The following CMTM4 variants were observed in gnomAD, a reference collection of about 807,000 sequenced individuals.
The protein encoded by CMTM4 is CKLF-like MARVEL transmembrane domain-containing protein 4.
CMTM4 carries 8 observed loss-of-function variants against 19.0 expected under a neutral mutation model. That is an observed-to-expected ratio of 0.42 (90% CI 0.25 to 0.76). The LOEUF (loss-of-function observed/expected upper bound fraction) is 0.76, where lower values mean the gene tolerates loss of function less well. Ranked by LOEUF, CMTM4 falls within the 30% of genes least tolerant of loss-of-function variation. The pLI is 0.27. For missense variants in CMTM4, 228 were observed against 290.2 expected, an observed-to-expected ratio of 0.79 and a Z score of 1.56; for synonymous variants, 106 against 121.1, an observed-to-expected ratio of 0.88 and a Z score of 0.82.
chr16:66,692,202 T>C (rs1488412467), intron 1 of CMTM4, among the ~76,000 whole-genome samples: 1 of 152,170 alleles, frequency 6.6e-6, no homozygotes, highest in African/African-American at 2.4e-5. Flanking sequence ...GCGCTTCTCC[T>C]GCCTCAGCCT....
chr16:66,676,113 G>C (rs1293905399), intron 1 of CMTM4, among the ~76,000 whole-genome samples: 1 of 152,134 alleles, frequency 6.6e-6, no homozygotes, highest in Non-Finnish European at 1.5e-5. Context: ...ATCATAGACA[G>C]TAAGGCAAAG....
intron 2 of CMTM4, among the ~76,000 whole-genome samples, chr16:66,632,106 A>G (rs1288523603): frequency 6.6e-6 from 1 of 152,184 alleles, no homozygotes; most frequent in Non-Finnish European, 1.5e-5. Flanking sequence ...GAGCCCACTA[A>G]GAAAGGGTGA....
chr16:66,677,837 G>C (rs902123051), intron 1 of CMTM4, among the ~76,000 whole-genome samples: 1 of 152,144 alleles, frequency 6.6e-6, no homozygotes, highest in Non-Finnish European at 1.5e-5. Context: ...AAGTAGCTGG[G>C]ATTATAGGCA....
chr16:66,600,123 T>TGGGGGGGGGG, the CMTM4 span, among the ~76,000 whole-genome samples: 1 of 145,636 alleles, frequency 6.9e-6, no homozygotes, highest in African/African-American at 2.6e-5. Context: ...TGTGTGTGTG[T>TGGGGGGGGGG]GTGTGTGTGT....
At chr16:66,633,086 A>AAAATATATATATATAT (rs1302262989) in intron 2 of CMTM4, among the ~76,000 whole-genome samples, 5 of 103,378 alleles carry the variant, frequency 4.8e-5, no homozygotes, top group African/African-American at 2.8e-4. Context: ...ACTCCGTTTC[A>AAAATATATATATATAT]AAATATATAT....
In CMTM4 at chr16:66,629,317, T is replaced by C. The variant is rs371653235; in HGVS notation, c.364-5815A>G. ...ACCCATCCTTTGCACTCACTTGTGCTTGAATGGCCCCAGGATCAAAGGGAC... is the reference window on the plus strand; with the variant it reads ...ACCCATCCTTTGCACTCACTTGTGCCTGAATGGCCCCAGGATCAAAGGGAC... On this transcript the variant is annotated intron_variant, in intron 2 of 3. Transcript: ENST00000394106. Among the ~76,000 whole-genome samples, 32 of 152,308 alleles carry C rather than the reference T, an allele frequency of 2.1e-4. No homozygotes were observed. The East Asian group carries it at 6.0e-3, about 28-fold the overall frequency.
At chr16:66,675,256 T>C (rs1337033897) in intron 1 of CMTM4, among the ~76,000 whole-genome samples, 1 of 151,018 alleles carries the variant, frequency 6.6e-6, no homozygotes, top group Non-Finnish European at 1.5e-5. Flanking sequence ...AATTTTTGTA[T>C]TTTTAGTAGA....
chr16:66,612,754 A>T, downstream of CMTM4: 4 of 988,294 alleles, frequency 4.0e-6, no homozygotes, highest in Non-Finnish European at 6.2e-6. The surrounding 1 kb of genome is among the most constrained non-coding windows in gnomAD (Gnocchi z 6.0). Context: ...GGGGCTGCGG[A>T]CACAGCAGGC....
intron 1 of CMTM4, among the ~76,000 whole-genome samples, chr16:66,650,250 C>T (rs932665574): frequency 2.6e-5 from 4 of 152,198 alleles, no homozygotes; most frequent in Non-Finnish European, 5.9e-5. Flanking sequence ...CCTAGTTCCT[C>T]ACCAAAGTGC....
rs1362337862 is a variant in CMTM4, at chr16:66,618,505, C to T, written c.*3553G>A. ...AGAAAGGGATTAGACCTCAGTCCAC[C>T]TCTCAGAGCACATGGATAGGTGACG... On this transcript the variant is annotated 3_prime_UTR_variant, in exon 4 of 4. Transcript: ENST00000394106. 1.0e-6 allele frequency: 1 copy of T among 985,364 alleles called. No individual in the cohort carries two copies. Among genetic ancestry groups the T allele is most frequent in the Non-Finnish European group, 1.2e-6 (1 of 829,968 alleles). The allele number at this position is 985,364 out of a possible 1,614,324, so 61.0% of individuals were successfully genotyped here.
At chr16:66,640,529 GCTCTCA>G (rs564584732) in intron 1 of CMTM4, among the ~76,000 whole-genome samples, 117 of 152,190 alleles carry the variant, frequency 7.7e-4, no homozygotes, top group African/African-American at 2.7e-3. Context: ...GAGGTATGCG[GCTCTCA>G]CTCTGAGTGT....
downstream of CMTM4, chr16:66,612,786 C>A: frequency 1.3e-6 from 1 of 760,716 alleles, no homozygotes; most frequent in Non-Finnish European, 2.1e-6. The surrounding 1 kb of genome is among the most constrained non-coding windows in gnomAD (Gnocchi z 6.0). Context: ...TCAGGTTCTG[C>A]CTGAGCCCAG....
intron 1 of CMTM4, among the ~76,000 whole-genome samples, chr16:66,673,212 T>G (rs1268237270): frequency 8.8e-6 from 1 of 113,412 alleles, no homozygotes; most frequent in African/African-American, 3.5e-5. Context: ...CACCCAGTCT[T>G]TTTTTTTTTT....
At chr16:66,670,439 CA>C (rs35296025) in intron 1 of CMTM4, among the ~76,000 whole-genome samples, 54,723 of 91,542 alleles carry the variant, frequency 0.6, 13,689 homozygotes, top group Middle Eastern at 0.71. Context: ...GACTCTGTCT[CA>C]AAAAAAAAAA....
rs1045043179 is a variant in CMTM4, at chr16:66,623,387, C to T, written c.462+17G>A. ...GGTCCCCAGATCAGCTTGCTTTAACCATTTGAGTTTGCTTACCACGGCAGC... is the reference window on the plus strand; with the variant it reads ...GGTCCCCAGATCAGCTTGCTTTAACTATTTGAGTTTGCTTACCACGGCAGC... On this transcript the variant is annotated intron_variant, in intron 3 of 3. Coordinates refer to ENST00000394106, the MANE Select transcript of CMTM4 (RefSeq NM_181521.3). 2.5e-6 allele frequency: 4 copies of T among 1,604,390 alleles called. No homozygotes were observed. The highest frequency in any genetic ancestry group is 3.4e-6 in the Non-Finnish European group (4 of 1,172,884).
chr16:66,633,104 T>TATATATATATAA (rs370924302), intron 2 of CMTM4, among the ~76,000 whole-genome samples: 9,103 of 24,490 alleles, frequency 0.37, 1,136 homozygotes, highest in African/African-American at 0.42. Flanking sequence ...TATATATAAA[T>TATATATATATAA]ATATATATAT....
At chr16:66,676,497 C>A (rs1253892143) in intron 1 of CMTM4, among the ~76,000 whole-genome samples, 1 of 152,134 alleles carries the variant, frequency 6.6e-6, no homozygotes, top group Non-Finnish European at 1.5e-5. Context: ...CACCAAACAA[C>A]GGGGTAGCTA....
At chr16:66,609,822 G>A, downstream of CMTM4, 1 of 1,614,150 alleles carries the variant, frequency 6.2e-7, no homozygotes, top group Non-Finnish European at 8.5e-7. The surrounding 1 kb of genome is among the most constrained non-coding windows in gnomAD (Gnocchi z 4.4). Context: ...TGAGGCTGGG[G>A]CAGCAGCCTC....
At chr16:66,629,712 T>G (rs1031451750) in intron 2 of CMTM4, among the ~76,000 whole-genome samples, 4 of 152,076 alleles carry the variant, frequency 2.6e-5, no homozygotes, top group Non-Finnish European at 5.9e-5. Context: ...GAGTTGGAAT[T>G]TTCAGCCCCA....
Sources: allele counts gnomAD v4.1 joint callset (sites outside exome capture counted in the v4.1 genomes callset), GRCh38; gene constraint gnomAD v4.1.1; non-coding constraint Gnocchi (gnomAD v3.1); transcripts MANE v1.5; gene names NCBI Gene and HGNC (gene_info 2026-07-23, HGNC 2026-07-21).